The following OR14I1 variants were observed in gnomAD, a reference collection of about 807,000 sequenced individuals.
OR14I1 encodes olfactory receptor 14I1.
For synonymous variants in OR14I1, 118 were observed against 71.1 expected, an observed-to-expected ratio of 1.66 and a Z score of -3.32; for missense variants, 279 against 181.8, an observed-to-expected ratio of 1.53 and a Z score of -3.07.
At chr1:248,684,698 G>A (rs992379495), upstream of OR14I1, among the ~76,000 whole-genome samples, 4 of 151,572 alleles carry the variant, frequency 2.6e-5, no homozygotes, top group Admixed American at 1.3e-4. Context: ...TATGTTCCCA[G>A]TCATATGCAT....
chr1:248,680,230 T>G (rs981548350), downstream of OR14I1, among the ~76,000 whole-genome samples: 1 of 152,224 alleles, frequency 6.6e-6, no homozygotes, highest in Non-Finnish European at 1.5e-5. Context: ...AAAATAATTT[T>G]ACAAATTTTT....
chr1:248,681,475 G>C, exon 1 of OR14I1: 1 of 781,054 alleles, frequency 1.3e-6, no homozygotes, highest in South Asian at 1.3e-5. Context: ...AGGCAAAACT[G>C]TGTATGTCAG....
downstream of OR14I1, among the ~76,000 whole-genome samples, chr1:248,679,021 G>T (rs867398609): frequency 6.6e-6 from 1 of 152,168 alleles, no homozygotes; most frequent in Non-Finnish European, 1.5e-5. Flanking sequence ...TCTAAAATTT[G>T]TATAAAAAGC....
chr1:248,697,784 AAAAAAAC>A, the OR14I1 span, among the ~76,000 whole-genome samples: 18 of 152,282 alleles, frequency 1.2e-4, no homozygotes, highest in Middle Eastern at 3.4e-3. Context: ...ACTCCATCTC[AAAAAAAC>A]AAAAAACAAA....
exon 1 of OR14I1, chr1:248,682,181 G>C (rs1190085253): frequency 1.3e-6 from 1 of 780,942 alleles, no homozygotes; most frequent in Admixed American, 1.7e-5. Context: ...GCAATGATGA[G>C]CAGGTTCCCC....
chr1:248,682,707 T>A (rs903543746), upstream of OR14I1, among the ~76,000 whole-genome samples: 3 of 152,194 alleles, frequency 2.0e-5, no homozygotes, highest in Non-Finnish European at 1.5e-5. Context: ...TCATACAAGT[T>A]TCTGGGTGAT....
At chr1:248,687,657 T>C in the OR14I1 span, among the ~76,000 whole-genome samples, 1 of 152,250 alleles carries the variant, frequency 6.6e-6, no homozygotes. Context: ...TGATTCATTA[T>C]CAGATCGCAC....
chr1:248,695,529 G>A, the OR14I1 span, among the ~76,000 whole-genome samples: 6 of 152,086 alleles, frequency 3.9e-5, no homozygotes, highest in African/African-American at 1.2e-4. Context: ...CACTGCGCCC[G>A]GCCGAATCTA....
chr1:248,692,143 G>C, the OR14I1 span: 1 of 152,616 alleles, frequency 6.6e-6, no homozygotes, highest in African/African-American at 2.4e-5. Context: ...GCCGGCCGCA[G>C]CCTCAGCCAC....
chr1:248,690,737 C>A, the OR14I1 span, among the ~76,000 whole-genome samples: 1 of 150,040 alleles, frequency 6.7e-6, no homozygotes, highest in African/African-American at 2.5e-5. Context: ...TTTATGAGGC[C>A]AGCATCACCC....
At chr1:248,700,125 C>T in the OR14I1 span, among the ~76,000 whole-genome samples, 1 of 152,222 alleles carries the variant, frequency 6.6e-6, no homozygotes, top group East Asian at 1.9e-4. Flanking sequence ...CCTAGGCCCC[C>T]TGCCAGAAAT....
At chr1:248,691,882 A>G in the OR14I1 span, 2 of 150,472 alleles carry the variant, frequency 1.3e-5, no homozygotes, top group African/African-American at 4.9e-5. Flanking sequence ...CGCTGTGGAA[A>G]GGAGCGGACA....
the OR14I1 span, among the ~76,000 whole-genome samples, chr1:248,692,418 G>GGAA: frequency 6.6e-6 from 1 of 151,982 alleles, no homozygotes; most frequent in South Asian, 2.1e-4. Flanking sequence ...TCTCCCCATC[G>GGAA]TTCCCACCTG....
chr1:248,681,521 C>A, exon 1 of OR14I1: 1 of 781,014 alleles, frequency 1.3e-6, no homozygotes, highest in Non-Finnish European at 2.4e-6. Flanking sequence ...AGAGCTTTTG[C>A]AATTGGTCCT....
the OR14I1 span, chr1:248,692,670 A>G: frequency 6.6e-6 from 1 of 152,366 alleles, no homozygotes; most frequent in African/African-American, 2.4e-5. Flanking sequence ...CTTACAGTCT[A>G]CAGAACAGTG....
chr1:248,684,991 T>C (rs1479767375), upstream of OR14I1, among the ~76,000 whole-genome samples: 2 of 152,166 alleles, frequency 1.3e-5, no homozygotes, highest in Non-Finnish European at 2.9e-5. Context: ...ATACTCTTTC[T>C]AGATTTTGGA....
chr1:248,698,295 C>T, the OR14I1 span, among the ~76,000 whole-genome samples: 2 of 152,178 alleles, frequency 1.3e-5, no homozygotes, highest in East Asian at 1.9e-4. Context: ...TCATCGAGAG[C>T]GTAGAATATG....
chr1:248,693,814 C>T, the OR14I1 span, among the ~76,000 whole-genome samples: 1 of 151,648 alleles, frequency 6.6e-6, no homozygotes, highest in Admixed American at 6.6e-5. Context: ...ATCGTCGTTC[C>T]TCTCACTATG....
the OR14I1 span, among the ~76,000 whole-genome samples, chr1:248,700,788 G>A: frequency 2.0e-5 from 3 of 152,302 alleles, no homozygotes; most frequent in Admixed American, 2.0e-4. Flanking sequence ...ATGCGTCAGT[G>A]CCATAAATCG....
Sources: gnomAD v4.1 joint callset for allele counts (sites outside exome capture counted in the v4.1 genomes callset) on GRCh38, gnomAD v4.1.1 for gene constraint, MANE v1.5 for transcripts, NCBI Gene and HGNC (gene_info 2026-07-23, HGNC 2026-07-21) for gene names.